The following PRIM2 variants were observed in gnomAD, a reference collection of about 807,000 sequenced individuals.
PRIM2 encodes the protein DNA primase subunit 2.
Under a neutral mutation model 67.3 loss-of-function variants are expected in PRIM2, and 39 were observed. The observed-to-expected ratio is 0.58, with a 90% CI of 0.45 to 0.76. PRIM2 has a LOEUF of 0.76. Ranked by LOEUF, PRIM2 falls within the 30% of genes least tolerant of loss-of-function variation. The probability of loss-of-function intolerance (pLI) is 0.00; values close to 1 mark genes in which losing one functional copy is unlikely to be tolerated. For synonymous variants in PRIM2, 143 were observed against 198.7 expected (o/e 0.72, Z 2.36); for missense variants, 398 against 598.7 (o/e 0.66, Z 3.50).
intron 8 of PRIM2, among the ~76,000 whole-genome samples, chr6:57,525,790 A>C (rs1202800392): frequency 6.6e-6 from 1 of 152,152 alleles, no homozygotes; most frequent in Non-Finnish European, 1.5e-5. Flanking sequence ...TGTTTTGAGC[A>C]TTGTTGTGGC....
intron 7 of PRIM2, among the ~76,000 whole-genome samples, chr6:57,479,358 A>T (rs1169650455): frequency 6.6e-6 from 1 of 152,134 alleles, no homozygotes; most frequent in African/African-American, 2.4e-5. Context: ...GACTACTAAA[A>T]AAAAAGCATC....
At chr6:57,369,401 G>C (rs1769470594) in intron 5 of PRIM2, among the ~76,000 whole-genome samples, 1 of 152,174 alleles carries the variant, frequency 6.6e-6, no homozygotes, top group African/African-American at 2.4e-5. Context: ...TTAAAACCCA[G>C]TGTAATTTTT....
At chr6:57,235,368 G>A in the PRIM2 span, among the ~76,000 whole-genome samples, 2 of 152,014 alleles carry the variant, frequency 1.3e-5, no homozygotes, top group Non-Finnish European at 2.9e-5. Context: ...GGAGGCTGAG[G>A]CAGGAGAATC....
At chr6:57,483,162 C>A (rs1267972000) in intron 7 of PRIM2, among the ~76,000 whole-genome samples, 1 of 152,132 alleles carries the variant, frequency 6.6e-6, no homozygotes, top group Non-Finnish European at 1.5e-5. Flanking sequence ...CCAGCCTCGG[C>A]CTCCCAAAGT....
At chr6:57,351,528 G>T (rs1173804318) in intron 5 of PRIM2, among the ~76,000 whole-genome samples, 1 of 152,158 alleles carries the variant, frequency 6.6e-6, no homozygotes, top group African/African-American at 2.4e-5. Flanking sequence ...AGATGTGGTA[G>T]ACATTATGGA....
intron 10 of PRIM2, among the ~76,000 whole-genome samples, chr6:57,591,109 A>C (rs1776275150): frequency 6.6e-6 from 1 of 152,188 alleles, no homozygotes; most frequent in Non-Finnish European, 1.5e-5. Flanking sequence ...ACTGTGTTTG[A>C]AGTTAAGAGT....
At chr6:57,524,768 A>G (rs1219431032) in intron 8 of PRIM2, among the ~76,000 whole-genome samples, 10 of 152,288 alleles carry the variant, frequency 6.6e-5, no homozygotes, top group African/African-American at 2.4e-4. Context: ...AGCAGAATAT[A>G]TAATTTAAGA....
At chr6:57,526,244 T>A (rs1774750162) in intron 8 of PRIM2, among the ~76,000 whole-genome samples, 1 of 152,220 alleles carries the variant, frequency 6.6e-6, no homozygotes, top group African/African-American at 2.4e-5. Flanking sequence ...ACATCTTTAT[T>A]GTTTTCACTA....
chr6:57,607,531 G>C (rs1256336947), intron 12 of PRIM2, among the ~76,000 whole-genome samples: 55 of 152,270 alleles, frequency 3.6e-4, no homozygotes, highest in African/African-American at 1.2e-3. Flanking sequence ...ATTAGGGAGA[G>C]AGAATGCACA....
chr6:57,453,004 G>A (rs1772611205), intron 7 of PRIM2, among the ~76,000 whole-genome samples: 1 of 152,102 alleles, frequency 6.6e-6, no homozygotes, highest in African/African-American at 2.4e-5. Flanking sequence ...TTCTACATAT[G>A]GCTAGCCAGT....
At chr6:57,613,882 G>A (rs1271059272) in intron 12 of PRIM2, among the ~76,000 whole-genome samples, 22 of 151,156 alleles carry the variant, frequency 1.5e-4, no homozygotes, top group Non-Finnish European at 2.8e-4. Context: ...ACAGAGTTTC[G>A]CTCTTGTCAC....
chr6:57,240,103 T>G, the PRIM2 span, among the ~76,000 whole-genome samples: 16 of 97,284 alleles, frequency 1.6e-4, no homozygotes, highest in East Asian at 3.3e-4. Context: ...TTTTTTTTTT[T>G]TTTTTTTTTT....
At chr6:57,415,695 G>A (rs1771238447) in intron 7 of PRIM2, among the ~76,000 whole-genome samples, 1 of 152,136 alleles carries the variant, frequency 6.6e-6, no homozygotes, top group Non-Finnish European at 1.5e-5. Flanking sequence ...TCTACTACTT[G>A]ATAAACTAAG....
chr6:57,642,527 C>G (rs1283281157), intron 13 of PRIM2, among the ~76,000 whole-genome samples: 7,081 of 142,496 alleles, frequency 0.05, 210 homozygotes, highest in Non-Finnish European at 0.068. Context: ...ACTGCAAGCT[C>G]CGCCTCCCGG....
chr6:57,378,340 A>G (rs1229880751), intron 5 of PRIM2, among the ~76,000 whole-genome samples: 1 of 151,704 alleles, frequency 6.6e-6, no homozygotes, highest in African/African-American at 2.4e-5. Flanking sequence ...TGCTGGGATT[A>G]TAGACGTGAG....
intron 7 of PRIM2, among the ~76,000 whole-genome samples, chr6:57,406,747 T>C (rs1770904443): frequency 6.6e-6 from 1 of 152,176 alleles, no homozygotes; most frequent in African/African-American, 2.4e-5. Flanking sequence ...CTTGCTGTTT[T>C]GTATAAAATC....
chr6:57,641,283 A>T (rs1191971156), intron 13 of PRIM2, among the ~76,000 whole-genome samples: 16 of 152,166 alleles, frequency 1.1e-4, no homozygotes, highest in Admixed American at 1.0e-3. Flanking sequence ...AACCATAAAA[A>T]CCCTAGAAGA....
At chr6:57,229,217 G>A in the PRIM2 span, among the ~76,000 whole-genome samples, 4 of 152,084 alleles carry the variant, frequency 2.6e-5, no homozygotes, top group Non-Finnish European at 4.4e-5. Flanking sequence ...CTCCTATTAA[G>A]AGAGGCTGAT....
At chr6:57,566,905 A>T (rs1285964835) in intron 10 of PRIM2, among the ~76,000 whole-genome samples, 4 of 152,150 alleles carry the variant, frequency 2.6e-5, no homozygotes, top group Non-Finnish European at 4.4e-5. Context: ...GACTTTTGGC[A>T]GTTTCCTTAA....
Sources: gnomAD v4.1 joint callset for allele counts (sites outside exome capture counted in the v4.1 genomes callset) on GRCh38, gnomAD v4.1.1 for gene constraint, MANE v1.5 for transcripts, NCBI Gene and HGNC (gene_info 2026-07-23, HGNC 2026-07-21) for gene names.